NEMP2: variants seen among roughly 807,000 people sequenced by gnomAD.
The protein encoded by NEMP2 is UPF0571 transmembrane protein.
NEMP2 carries 53 observed loss-of-function variants against 54.2 expected under a neutral mutation model. That is an observed-to-expected ratio of 0.98 (90% CI 0.78 to 1.23). NEMP2 has a LOEUF of 1.23. Among genes scored for constraint, NEMP2 ranks in the 50% most tolerant of loss-of-function variants. NEMP2 has a pLI of 0.00. For missense variants in NEMP2, 455 were observed against 511.3 expected (o/e 0.89, Z 1.06); for synonymous variants, 197 against 190.3 (o/e 1.04, Z -0.29).
chr2:190,508,924 C>A lies in NEMP2; in HGVS notation c.*265G>T, dbSNP rs1399598198. The A allele has an allele frequency of 4.4e-6, 2 of 455,090 alleles. No homozygotes were observed. Among genetic ancestry groups the A allele is most frequent in the Middle Eastern group, 6.0e-4 (1 of 1,656 alleles). The allele number at this position is 455,090 out of a possible 1,614,324, so 28.2% of individuals were successfully genotyped here. On this transcript the variant is annotated 3_prime_UTR_variant, in exon 9 of 9. Coordinates refer to ENST00000409150, the MANE Select transcript of NEMP2 (RefSeq NM_001142645.2). This position sits in a 1 kb window ranked among gnomAD's most constrained non-coding sequence, Gnocchi z 4.3. Reference sequence around the variant, plus strand: ...TTAAGAACAACGCCATTCCCCTGTTCCTAATGAAAGCCTTCATTCAAGGTA... The same window carrying A: ...TTAAGAACAACGCCATTCCCCTGTTACTAATGAAAGCCTTCATTCAAGGTA...
At chr2:190,537,213 A>G (rs1303858443), upstream of NEMP2, among the ~76,000 whole-genome samples, 1 of 152,244 alleles carries the variant, frequency 6.6e-6, no homozygotes, top group Non-Finnish European at 1.5e-5. Flanking sequence ...ATCAGAAATG[A>G]AGAATTCTTT....
chr2:190,622,238 A>G, the NEMP2 span, among the ~76,000 whole-genome samples: 1 of 152,084 alleles, frequency 6.6e-6, no homozygotes, highest in African/African-American at 2.4e-5. Context: ...CCTGTCTCCA[A>G]GAAAATAAAA....
At chr2:190,632,195 C>T in the NEMP2 span, among the ~76,000 whole-genome samples, 2 of 152,244 alleles carry the variant, frequency 1.3e-5, no homozygotes, top group Admixed American at 1.3e-4. The surrounding 1 kb of genome is among the most constrained non-coding windows in gnomAD (Gnocchi z 4.8). Context: ...CTAGTGCTCT[C>T]CTTCCTTGCA....
At chr2:190,558,401 C>T in the NEMP2 span, among the ~76,000 whole-genome samples, 3 of 152,160 alleles carry the variant, frequency 2.0e-5, no homozygotes, top group Non-Finnish European at 2.9e-5. The surrounding 1 kb of genome is among the most constrained non-coding windows in gnomAD (Gnocchi z 4.4). Context: ...AGCAAACCAC[C>T]ATGGCACATG....
At chr2:190,489,981 AT>A in the NEMP2 span, 1 of 781,932 alleles carries the variant, frequency 1.3e-6, no homozygotes, top group Admixed American at 3.2e-5. This position sits in a 1 kb window ranked among gnomAD's most constrained non-coding sequence, Gnocchi z 6.6. Flanking sequence ...GTTTGGCTCA[AT>A]TTTCTGAGTG....
At chr2:190,436,781 C>T in the NEMP2 span, 3 of 1,614,178 alleles carry the variant, frequency 1.9e-6, no homozygotes, top group Non-Finnish European at 1.7e-6. This position sits in a 1 kb window ranked among gnomAD's most constrained non-coding sequence, Gnocchi z 5.3. Flanking sequence ...ACCCCTGTCT[C>T]CCCAGGAAGC....
the NEMP2 span, among the ~76,000 whole-genome samples, chr2:190,474,274 G>A: frequency 3.3e-5 from 5 of 152,260 alleles, no homozygotes; most frequent in South Asian, 1.0e-3. Context: ...AATGAATCCA[G>A]GAGCTGGTTT....
chr2:190,534,292 A>T lies in NEMP2; in HGVS notation c.97+267T>A, dbSNP rs573012480. On this transcript the variant is annotated intron_variant, in intron 1 of 8. Coordinates refer to ENST00000409150, the MANE Select transcript of NEMP2 (RefSeq NM_001142645.2). ...CTCTGAGTTTCGGTTGCTTCTGTAA[A>T]ACGAGGGAATTGGGCGACTGGATCG... is the stretch of plus-strand genomic sequence containing the variant. 9.3e-5 allele frequency: 109 copies of T among 1,169,492 alleles called. 1 individual carries two copies. The East Asian group carries it at 3.7e-3, about 39-fold the overall frequency. 72.4% of individuals were successfully genotyped at this position (1,169,492 alleles called of 1,614,324 possible).
the NEMP2 span, among the ~76,000 whole-genome samples, chr2:190,586,499 G>A: frequency 1.3e-5 from 2 of 152,108 alleles, no homozygotes; most frequent in Non-Finnish European, 2.9e-5. This position sits in a 1 kb window ranked among gnomAD's most constrained non-coding sequence, Gnocchi z 4.5. Flanking sequence ...AATTTAATGT[G>A]ATTGTCTAAC....
the NEMP2 span, among the ~76,000 whole-genome samples, chr2:190,556,554 T>G: frequency 6.6e-6 from 1 of 152,192 alleles, no homozygotes. Flanking sequence ...TGTTTGCTGA[T>G]GACATGATTG....
the NEMP2 span, among the ~76,000 whole-genome samples, chr2:190,450,488 C>CCTTT: frequency 2.1e-5 from 2 of 97,264 alleles, no homozygotes; most frequent in East Asian, 6.5e-4. Flanking sequence ...TCTCTTTTTC[C>CCTTT]TTTTTTTTTT....
the NEMP2 span, among the ~76,000 whole-genome samples, chr2:190,601,618 A>C: frequency 6.6e-6 from 1 of 152,238 alleles, no homozygotes; most frequent in Non-Finnish European, 1.5e-5. The surrounding 1 kb of genome is among the most constrained non-coding windows in gnomAD (Gnocchi z 5.8). Flanking sequence ...ACTCCATGAA[A>C]ATAATGATTG....
chr2:190,577,429 G>C, the NEMP2 span, among the ~76,000 whole-genome samples: 2 of 152,064 alleles, frequency 1.3e-5, no homozygotes, highest in Non-Finnish European at 2.9e-5. This position sits in a 1 kb window ranked among gnomAD's most constrained non-coding sequence, Gnocchi z 4.8. Flanking sequence ...AATAATGGCT[G>C]TTCTTAAAAA....
rs923548576 is a variant in NEMP2 at position 190,527,509 on chromosome 2, T to C, written c.98-2131A>G. Among the ~76,000 whole-genome samples the C allele has an allele frequency of 5.9e-5, 9 of 152,312 alleles. No individual in the cohort carries two copies. Among genetic ancestry groups the C allele is most frequent in the Admixed American group, 2.6e-4 (4 of 15,302 alleles). On this transcript the variant is annotated intron_variant, in intron 1 of 8. Coordinates refer to ENST00000409150, the MANE Select transcript of NEMP2 (RefSeq NM_001142645.2). This position sits in a 1 kb window ranked among gnomAD's most constrained non-coding sequence, Gnocchi z 4.0. ...TCAACTGTGACAGTCAAATCAGTCA[T>C]CTTTACTCTTCACATTATGATAAAA...
chr2:190,489,897 T>G, the NEMP2 span: 1 of 1,589,386 alleles, frequency 6.3e-7, no homozygotes, highest in Non-Finnish European at 8.6e-7. This position sits in a 1 kb window ranked among gnomAD's most constrained non-coding sequence, Gnocchi z 6.6. Context: ...TTAATATTCC[T>G]AACAGTTCAG....
chr2:190,456,868 C>A, the NEMP2 span, among the ~76,000 whole-genome samples: 1 of 152,198 alleles, frequency 6.6e-6, no homozygotes, highest in African/African-American at 2.4e-5. This position sits in a 1 kb window ranked among gnomAD's most constrained non-coding sequence, Gnocchi z 5.4. Flanking sequence ...TCTGGGTAAG[C>A]TTTTCTCCTT....
chr2:190,542,122 G>A, the NEMP2 span, among the ~76,000 whole-genome samples: 1 of 152,090 alleles, frequency 6.6e-6, no homozygotes, highest in African/African-American at 2.4e-5. The surrounding 1 kb of genome is among the most constrained non-coding windows in gnomAD (Gnocchi z 4.6). Context: ...ATCTCTTTCT[G>A]TTTTGGAAAT....
the NEMP2 span, among the ~76,000 whole-genome samples, chr2:190,588,498 T>C: frequency 6.6e-6 from 1 of 152,118 alleles, no homozygotes; most frequent in Non-Finnish European, 1.5e-5. The surrounding 1 kb of genome is among the most constrained non-coding windows in gnomAD (Gnocchi z 5.0). Flanking sequence ...ATCAAACTTT[T>C]ATGACTCTGT....
chr2:190,568,651 C>T, the NEMP2 span, among the ~76,000 whole-genome samples: 6 of 152,000 alleles, frequency 3.9e-5, no homozygotes, highest in East Asian at 5.8e-4. This position sits in a 1 kb window ranked among gnomAD's most constrained non-coding sequence, Gnocchi z 4.7. Context: ...GGAGAAACCC[C>T]GTCTCTACTA....
Sources: gnomAD v4.1 joint callset for allele counts (sites outside exome capture counted in the v4.1 genomes callset) on GRCh38, gnomAD v4.1.1 for gene constraint, Gnocchi (gnomAD v3.1) non-coding constraint, MANE v1.5 for transcripts, NCBI Gene and HGNC (gene_info 2026-07-23, HGNC 2026-07-21) for gene names.